The following RBL1 variants were observed in gnomAD, a reference collection of about 807,000 sequenced individuals.
RBL1 encodes the protein RB transcriptional corepressor like 1.
Under a neutral mutation model 123.0 loss-of-function variants are expected in RBL1, and 82 were observed. The ratio of observed to expected loss-of-function variants is 0.67; its 90% CI spans 0.56 to 0.80. The LOEUF (loss-of-function observed/expected upper bound fraction) is 0.80, where lower values mean the gene tolerates loss of function less well. RBL1 is among the 30% of genes least tolerant of loss of function. RBL1 has a pLI of 0.00. For missense variants in RBL1, 1,171 were observed against 1,299.6 expected (o/e 0.90, Z 1.52); for synonymous variants, 405 against 441.3 (o/e 0.92, Z 1.03).
rs1019842548 is a variant in RBL1, at chr20:37,024,928, C to G, written c.2383-2102G>C. 7.2e-5 allele frequency among the ~76,000 whole-genome samples: 11 copies of G among 152,180 alleles called. 1 individual carries two copies. In the South Asian group the frequency reaches 1.0e-3, roughly 14 times the overall value. Reference sequence around the variant, plus strand: ...TGGTGAAAAGAGCAAGACTCTCCCTCAACCATCCCAACTGCCAACCAAAGC... The same window carrying G: ...TGGTGAAAAGAGCAAGACTCTCCCTGAACCATCCCAACTGCCAACCAAAGC... On this transcript the variant is annotated intron_variant, in intron 16 of 21. Transcript: ENST00000373664.
intron 18 of RBL1, among the ~76,000 whole-genome samples, chr20:37,019,421 T>G (rs184627057): frequency 8.5e-4 from 130 of 152,320 alleles, no homozygotes; most frequent in African/African-American, 3.1e-3. Context: ...CTTGGCCCAT[T>G]CTTGACTCAC....
intron 11 of RBL1, among the ~76,000 whole-genome samples, chr20:37,053,488 G>A (rs950031580): frequency 5.9e-5 from 9 of 152,120 alleles, no homozygotes; most frequent in Non-Finnish European, 1.0e-4. Flanking sequence ...GTTGGGGCCC[G>A]CCTTTCATCG....
intron 14 of RBL1, among the ~76,000 whole-genome samples, chr20:37,038,115 C>T (rs1314128373): frequency 1.3e-5 from 2 of 151,034 alleles, no homozygotes; most frequent in East Asian, 3.9e-4. Context: ...CCTTAGCTGC[C>T]TGAGCAGCTG....
intron 11 of RBL1, among the ~76,000 whole-genome samples, chr20:37,054,845 A>G (rs556633346): frequency 7.9e-5 from 12 of 152,216 alleles, no homozygotes; most frequent in African/African-American, 2.9e-4. Context: ...AAAAAAATTT[A>G]CTTCTTTCTC....
At chr20:37,019,644 C>G (rs531297731) in intron 18 of RBL1, among the ~76,000 whole-genome samples, 1 of 152,258 alleles carries the variant, frequency 6.6e-6, no homozygotes, top group East Asian at 1.9e-4. Flanking sequence ...ACTACTAATA[C>G]TGAGGCCACA....
chr20:37,013,299 G>A (rs2146213244), intron 19 of RBL1, among the ~76,000 whole-genome samples: 1 of 151,812 alleles, frequency 6.6e-6, no homozygotes, highest in South Asian at 2.1e-4. Context: ...CCCCAACCCT[G>A]TGCTCTCTGA....
chr20:37,085,962 T>G (rs771474756), intron 2 of RBL1, among the ~76,000 whole-genome samples: 1 of 152,010 alleles, frequency 6.6e-6, no homozygotes, highest in Non-Finnish European at 1.5e-5. Flanking sequence ...TTTTTTTAAT[T>G]TGAAATGGAG....
At chr20:37,065,072 C>G (rs962675362) in intron 7 of RBL1, among the ~76,000 whole-genome samples, 1 of 151,954 alleles carries the variant, frequency 6.6e-6, no homozygotes, top group African/African-American at 2.4e-5. Context: ...GCTGGGACCA[C>G]AGGCTCACAC....
intron 2 of RBL1, among the ~76,000 whole-genome samples, chr20:37,086,579 A>T (rs951342148): frequency 6.6e-6 from 1 of 152,158 alleles, no homozygotes; most frequent in Admixed American, 6.5e-5. Flanking sequence ...TTTAGCATCA[A>T]CTAAAACCTA....
Position 37,044,239 on chromosome 20 carries a change from C to T in RBL1, c.1617G>A (p.Val539=). ...QPFYFYKVIE[V]VIRSEEGLSR... is the part of the protein sequence containing the mutation. The stretch of plus-strand genomic sequence containing the variant: ...AGAGCCCCTCTTCTGAGCGGATCAC[C>T]ACCTCAATAACCTGCAGAGGAGAAA... The change falls in exon 13 of 22, where the codon GTG becomes GTA. Residue 539 remains valine, a synonymous_variant. Coordinates refer to ENST00000373664, the MANE Select transcript of RBL1 (RefSeq NM_002895.5). 6.2e-7 allele frequency: 1 copy of T among 1,613,654 alleles called. No individual in the cohort carries two copies. The highest frequency in any genetic ancestry group is 8.5e-7 in the Non-Finnish European group (1 of 1,179,830).
intron 19 of RBL1, among the ~76,000 whole-genome samples, chr20:37,007,946 A>T (rs1365006381): frequency 6.6e-6 from 1 of 152,138 alleles, no homozygotes; most frequent in South Asian, 2.1e-4. Context: ...CTACAATATT[A>T]AAAAAAACCC....
At chr20:37,017,127 C>G (rs964659833) in intron 19 of RBL1, among the ~76,000 whole-genome samples, 1 of 152,050 alleles carries the variant, frequency 6.6e-6, no homozygotes, top group African/African-American at 2.4e-5. Flanking sequence ...AATCCTAGTA[C>G]TTTGGGAGGC....
intron 20 of RBL1, among the ~76,000 whole-genome samples, chr20:37,004,586 G>A (rs1163129495): frequency 6.7e-6 from 1 of 150,280 alleles, no homozygotes; most frequent in Non-Finnish European, 1.5e-5. Context: ...GGTGGCATAT[G>A]CCTGTAATCC....
In RBL1 at chr20:37,044,044, T is replaced by C. The variant is rs561623443; in HGVS notation, c.1770+42A>G. The C allele has an allele frequency of 1.6e-5, 23 of 1,407,926 alleles. No homozygotes were observed. The South Asian group carries it at 3.3e-4, about 20-fold the overall frequency. 87.2% of individuals were successfully genotyped at this position (1,407,926 alleles called of 1,614,324 possible). On this transcript the variant is annotated intron_variant, in intron 13 of 21. Coordinates refer to ENST00000373664, the MANE Select transcript of RBL1 (RefSeq NM_002895.5). ...TCTCAATAAAGCTGGTTTTTTTTTT[T>C]TTTTTTTTAATGATACGATTATCAG...
intron 9 of RBL1, among the ~76,000 whole-genome samples, chr20:37,060,166 C>G (rs1466626389): frequency 6.9e-6 from 1 of 143,992 alleles, no homozygotes; most frequent in Non-Finnish European, 1.5e-5. Flanking sequence ...GAGTGAAACT[C>G]TGTCTCAAAA....
chr20:37,095,923 G>T lies in RBL1; in HGVS notation c.6C>A (p.Phe2Leu). 1 of 1,584,534 alleles carries T rather than the reference G, an allele frequency of 6.3e-7. No homozygotes were observed. Among genetic ancestry groups the T allele is most frequent in the East Asian group, 2.3e-5 (1 of 44,106 alleles). Reference sequence around the variant, plus strand: ...CCCCCTCAGCGTGGGGCTTGTCCTCGAACATCCCTTCAGGCCCCGCGGGCT... The same window carrying T: ...CCCCCTCAGCGTGGGGCTTGTCCTCTAACATCCCTTCAGGCCCCGCGGGCT... M[F>L]EDKPHAEGAA... Residue 2 changes from phenylalanine to leucine, a missense_variant, in exon 1 of 22, where the codon TTC becomes TTA. Coordinates refer to ENST00000373664, the MANE Select transcript of RBL1 (RefSeq NM_002895.5).
chr20:37,064,550 C>A (rs965459022), intron 7 of RBL1, among the ~76,000 whole-genome samples: 5 of 151,974 alleles, frequency 3.3e-5, no homozygotes, highest in Non-Finnish European at 5.9e-5. Context: ...TAGAGACCAG[C>A]CTGGGCAACA....
chr20:37,013,869 T>A (rs182178800), intron 19 of RBL1, among the ~76,000 whole-genome samples: 1 of 152,268 alleles, frequency 6.6e-6, no homozygotes, highest in East Asian at 1.9e-4. Context: ...ACTTACTGCA[T>A]AGGATATATA....
At chr20:37,068,978 G>A (rs1195767415) in intron 2 of RBL1, among the ~76,000 whole-genome samples, 1 of 152,260 alleles carries the variant, frequency 6.6e-6, no homozygotes, top group East Asian at 1.9e-4. Context: ...CCTGCCGAGT[G>A]CCTGCGATTG....
Sources: allele counts gnomAD v4.1 joint callset (sites outside exome capture counted in the v4.1 genomes callset), GRCh38; gene constraint gnomAD v4.1.1; transcripts MANE v1.5; gene names NCBI Gene and HGNC (gene_info 2026-07-23, HGNC 2026-07-21).